The following RALYL variants were observed in gnomAD, a reference collection of about 807,000 sequenced individuals.
The protein encoded by RALYL is RALY RNA binding protein like, also known as RNA-binding Raly-like protein.
RALYL carries 29 observed loss-of-function variants against 35.1 expected under a neutral mutation model. That is an observed-to-expected ratio of 0.83 (90% CI 0.61 to 1.13). The LOEUF is 1.13. Among genes scored for constraint, RALYL ranks in the 50% most tolerant of loss-of-function variants. The pLI is 0.00. For missense variants in RALYL, 359 were observed against 360.4 expected (o/e 1.00, Z 0.03); for synonymous variants, 120 against 127.6 (o/e 0.94, Z 0.40).
rs1255395910 is a variant in RALYL at position 84,737,159 on chromosome 8, T to TG, written c.257-37419dup. On this transcript the variant is annotated intron_variant, in intron 2 of 8. Coordinates refer to ENST00000521268, the MANE Select transcript of RALYL (RefSeq NM_173848.7). The stretch of plus-strand genomic sequence containing the variant: ...AAATTTTCTGTCTGATTCCACATTC[T>TG]GTGGTCTAAATCACCACACTTTTAT... Among the ~76,000 whole-genome samples, 3 of 152,222 alleles carry TG rather than the reference T, an allele frequency of 2.0e-5. No individual in the cohort carries two copies. The East Asian group carries it at 5.8e-4, about 29-fold the overall frequency.
intron 1 of RALYL, among the ~76,000 whole-genome samples, chr8:84,252,840 A>C (rs2131695031): frequency 6.6e-6 from 1 of 152,186 alleles, no homozygotes; most frequent in Non-Finnish European, 1.5e-5. Context: ...ATTCCAAATA[A>C]ATTATTTAAT....
At chr8:84,753,233 A>T (rs548694445) in intron 2 of RALYL, among the ~76,000 whole-genome samples, 3 of 152,278 alleles carry the variant, frequency 2.0e-5, no homozygotes, top group African/African-American at 7.2e-5. Flanking sequence ...TCTTTTGGCC[A>T]ATTTCTCCCT....
intron 1 of RALYL, among the ~76,000 whole-genome samples, chr8:84,392,350 A>C (rs932777698): frequency 6.6e-6 from 1 of 152,070 alleles, no homozygotes; most frequent in East Asian, 1.9e-4. Context: ...ATGCTATTTG[A>C]AATATTTAGT....
At chr8:84,253,125 C>A (rs143868328) in intron 1 of RALYL, among the ~76,000 whole-genome samples, 215 of 149,760 alleles carry the variant, frequency 1.4e-3, no homozygotes, top group African/African-American at 4.9e-3. Context: ...AATATTACTG[C>A]CCTTCTTATA....
At chr8:84,660,460 A>C (rs906177434) in intron 2 of RALYL, among the ~76,000 whole-genome samples, 1 of 151,792 alleles carries the variant, frequency 6.6e-6, no homozygotes, top group Non-Finnish European at 1.5e-5. Flanking sequence ...TTGCTTTTTA[A>C]ATTTAATAAT....
At chr8:84,475,568 G>A (rs901923674) in intron 1 of RALYL, among the ~76,000 whole-genome samples, 97 of 152,258 alleles carry the variant, frequency 6.4e-4, no homozygotes, top group Admixed American at 5.5e-3. Context: ...ATAGAAATAT[G>A]TGTTTAGACA....
chr8:84,464,102 C>A (rs1261766619), intron 1 of RALYL, among the ~76,000 whole-genome samples: 1 of 149,896 alleles, frequency 6.7e-6, no homozygotes, highest in African/African-American at 2.4e-5. Context: ...TATTGAAGTC[C>A]AGATCATTAT....
chr8:84,299,275 C>A (rs990104347), intron 1 of RALYL, among the ~76,000 whole-genome samples: 1 of 151,958 alleles, frequency 6.6e-6, no homozygotes, highest in East Asian at 1.9e-4. Flanking sequence ...CACATTTATT[C>A]ATTCCTATGT....
intron 1 of RALYL, among the ~76,000 whole-genome samples, chr8:84,442,732 T>C (rs1462346379): frequency 6.6e-6 from 1 of 152,128 alleles, no homozygotes; most frequent in Non-Finnish European, 1.5e-5. Flanking sequence ...CGTATTGTTT[T>C]TGTATTGGAA....
chr8:84,614,036 T>G (rs1360556242), intron 2 of RALYL, among the ~76,000 whole-genome samples: 1 of 151,388 alleles, frequency 6.6e-6, no homozygotes, highest in Non-Finnish European at 1.5e-5. Context: ...ACAGAATAAC[T>G]AAATTGTTAG....
intron 6 of RALYL, among the ~76,000 whole-genome samples, chr8:84,867,636 A>G (rs1839409894): frequency 6.6e-6 from 1 of 152,210 alleles, no homozygotes; most frequent in Admixed American, 6.5e-5. Flanking sequence ...GAGATCTGCT[A>G]CTTCTGTTAC....
chr8:84,319,295 A>G (rs1844356499), intron 1 of RALYL, among the ~76,000 whole-genome samples: 1 of 152,124 alleles, frequency 6.6e-6, no homozygotes, highest in Non-Finnish European at 1.5e-5. Flanking sequence ...GCATTTATTA[A>G]TGTTATGTTC....
At chr8:84,920,673 T>TA (rs139905313) in intron 8 of RALYL, among the ~76,000 whole-genome samples, 5,373 of 151,884 alleles carry the variant, frequency 0.035, 338 homozygotes, top group African/African-American at 0.12. Flanking sequence ...TTAGCTGGAT[T>TA]AAAAAAAATC....
intron 1 of RALYL, among the ~76,000 whole-genome samples, chr8:84,426,469 T>TGTGTGTGG (rs1554662541): frequency 6.8e-6 from 1 of 147,846 alleles, no homozygotes; most frequent in Non-Finnish European, 1.5e-5. Context: ...TGTGTGTGTG[T>TGTGTGTGG]GTGTGGGTTT....
chr8:84,190,657 A>G (rs572200038), intron 1 of RALYL, among the ~76,000 whole-genome samples: 17 of 152,328 alleles, frequency 1.1e-4, no homozygotes, highest in African/African-American at 4.1e-4. Context: ...GGAGAGCCTT[A>G]TTTGGTTGGA....
intron 1 of RALYL, among the ~76,000 whole-genome samples, chr8:84,423,162 C>G (rs1399494313): frequency 6.6e-6 from 1 of 150,736 alleles, no homozygotes; most frequent in Non-Finnish European, 1.5e-5. Context: ...TAAAGTCTCC[C>G]GTTATTAATG....
chr8:84,367,329 T>TTTG (rs1854618669), intron 1 of RALYL, among the ~76,000 whole-genome samples: 4 of 25,084 alleles, frequency 1.6e-4, no homozygotes, highest in African/African-American at 1.3e-3. Context: ...TTTTTTTTTT[T>TTTG]TTTTTTTTTT....
intron 4 of RALYL, among the ~76,000 whole-genome samples, chr8:84,849,293 G>T (rs1835312818): frequency 6.6e-6 from 1 of 152,068 alleles, no homozygotes; most frequent in East Asian, 1.9e-4. Context: ...TCTATTTAAA[G>T]TATTGAATCC....
chr8:84,460,314 A>C (rs960090542), intron 1 of RALYL, among the ~76,000 whole-genome samples: 3 of 151,780 alleles, frequency 2.0e-5, no homozygotes, highest in Admixed American at 1.3e-4. Context: ...CATTCAACCC[A>C]AAAATTCCAC....
Sources: gnomAD v4.1 joint callset for allele counts (sites outside exome capture counted in the v4.1 genomes callset) on GRCh38, gnomAD v4.1.1 for gene constraint, MANE v1.5 for transcripts, NCBI Gene and HGNC (gene_info 2026-07-23, HGNC 2026-07-21) for gene names.